Variants in ZNF701 observed in about 807,000 individuals in gnomAD.
ZNF701 encodes the protein zinc finger protein 701.
ZNF701 carries 6 observed loss-of-function variants against 7.1 expected under a neutral mutation model. The observed-to-expected ratio is 0.84, with a 90% CI of 0.46 to 1.66. The LOEUF is 1.66. Ranked by LOEUF, ZNF701 falls within the 40% of genes most tolerant of loss-of-function variation. The pLI is 0.01. For synonymous variants in ZNF701, 166 were observed against 188.2 expected, an observed-to-expected ratio of 0.88 and a Z score of 0.97; for missense variants, 541 against 559.2, an observed-to-expected ratio of 0.97 and a Z score of 0.33.
the ZNF701 span, among the ~76,000 whole-genome samples, chr19:52,599,931 C>T: frequency 4.6e-5 from 7 of 152,098 alleles, no homozygotes; most frequent in Non-Finnish European, 7.3e-5. Flanking sequence ...CAGATGGTCA[C>T]CTCCATTACC....
Position 52,584,054 on chromosome 19 carries a change from T to G in ZNF701, c.*597T>G. The G allele has an allele frequency of 2.2e-6, 1 of 454,272 alleles. No individual in the cohort carries two copies. The highest frequency in any genetic ancestry group is 4.5e-6 in the Non-Finnish European group (1 of 221,382). 28.1% of individuals were successfully genotyped at this position (454,272 alleles called of 1,614,324 possible). ...AGAAACCTCACAAGTGTGATGATTGTGAGCAAAGCCTTTACTTCACGTTCA... is the reference window on the plus strand; with the variant it reads ...AGAAACCTCACAAGTGTGATGATTGGGAGCAAAGCCTTTACTTCACGTTCA... On this transcript the variant is annotated 3_prime_UTR_variant, in exon 4 of 4. Coordinates refer to ENST00000391785, the MANE Select transcript of ZNF701 (RefSeq NM_018260.3).
At chr19:52,581,949 T>C (rs1289154097) in intron 3 of ZNF701, among the ~76,000 whole-genome samples, 1 of 152,194 alleles carries the variant, frequency 6.6e-6, no homozygotes, top group Non-Finnish European at 1.5e-5. Flanking sequence ...CTCCTGACTT[T>C]AGGCTTACAC....
At chr19:52,592,067 C>T, downstream of ZNF701, 3 of 781,154 alleles carry the variant, frequency 3.8e-6, no homozygotes, top group Non-Finnish European at 4.3e-6. Context: ...CTCACTCCTC[C>T]CTAATGTTTT....
downstream of ZNF701, among the ~76,000 whole-genome samples, chr19:52,591,273 G>A (rs1027018105): frequency 1.1e-4 from 17 of 152,164 alleles, no homozygotes; most frequent in African/African-American, 4.1e-4. Flanking sequence ...TGCCTCCAGA[G>A]TTCTATCGAT....
At chr19:52,591,005 A>G (rs1002974061), downstream of ZNF701, among the ~76,000 whole-genome samples, 3 of 151,788 alleles carry the variant, frequency 2.0e-5, no homozygotes, top group East Asian at 5.8e-4. Flanking sequence ...ATGCCCAGCT[A>G]ATTTTTGTAT....
intron 3 of ZNF701, among the ~76,000 whole-genome samples, chr19:52,578,253 CAAAAAAAAAAA>C (rs58385761): frequency 1.2e-4 from 5 of 40,924 alleles, no homozygotes; most frequent in Admixed American, 5.7e-4. Context: ...GACTCCGTCT[CAAAAAAAAAAA>C]AAAAAAAAAA....
At chr19:52,593,850 A>C in the ZNF701 span, among the ~76,000 whole-genome samples, 1 of 112,610 alleles carries the variant, frequency 8.9e-6, no homozygotes, top group Non-Finnish European at 1.9e-5. Flanking sequence ...AGCCAGGCAG[A>C]GGGGCTCCTC....
At chr19:52,592,409 T>C in the ZNF701 span, among the ~76,000 whole-genome samples, 1 of 152,230 alleles carries the variant, frequency 6.6e-6, no homozygotes, top group African/African-American at 2.4e-5. Context: ...CCTTATGGAG[T>C]GGTTTTACAT....
the ZNF701 span, among the ~76,000 whole-genome samples, chr19:52,593,421 C>T: frequency 2.4e-4 from 26 of 110,310 alleles, 6 homozygotes; most frequent in Admixed American, 9.2e-5. Context: ...GACCCCCCCA[C>T]CTCCCTCCCG....
intron 1 of ZNF701, among the ~76,000 whole-genome samples, chr19:52,571,901 G>A (rs563722247): frequency 2.0e-5 from 3 of 152,058 alleles, no homozygotes; most frequent in Admixed American, 6.6e-5. Flanking sequence ...TCGGCTCACT[G>A]CAACCTCCAC....
chr19:52,575,264 T>C (rs999248004), intron 2 of ZNF701, among the ~76,000 whole-genome samples: 2 of 152,284 alleles, frequency 1.3e-5, no homozygotes, highest in East Asian at 1.9e-4. Flanking sequence ...CCACTGTGCC[T>C]GGCCTACTTT....
the ZNF701 span, chr19:52,597,688 G>A: frequency 3.6e-6 from 1 of 280,532 alleles, no homozygotes; most frequent in Non-Finnish European, 6.9e-6. Context: ...GAAGGGGCAG[G>A]GCCTTGAACA....
intron 1 of ZNF701, chr19:52,572,161 G>A (rs917391112): frequency 1.9e-5 from 6 of 313,404 alleles, no homozygotes; most frequent in Non-Finnish European, 3.1e-5. Flanking sequence ...TTAAGCGATT[G>A]TCCTGCCTCG....
chr19:52,589,224 C>T (rs1001192552), downstream of ZNF701, among the ~76,000 whole-genome samples: 2 of 152,260 alleles, frequency 1.3e-5, no homozygotes, highest in Admixed American at 6.5e-5. Flanking sequence ...TGTGGTCTTA[C>T]CACCATGTTC....
downstream of ZNF701, among the ~76,000 whole-genome samples, chr19:52,590,113 T>C (rs1403334244): frequency 6.7e-6 from 1 of 149,972 alleles, no homozygotes; most frequent in Non-Finnish European, 1.5e-5. Flanking sequence ...TATTGTTTTT[T>C]TTTTTTTGAG....
intron 2 of ZNF701, among the ~76,000 whole-genome samples, chr19:52,575,235 C>T (rs2059926226): frequency 6.6e-6 from 1 of 152,134 alleles, no homozygotes; most frequent in Non-Finnish European, 1.5e-5. Context: ...CCCCAAAGTG[C>T]TGGGATTACA....
At chr19:52,596,781 A>T in the ZNF701 span, 1 of 532,752 alleles carries the variant, frequency 1.9e-6, no homozygotes, top group Non-Finnish European at 3.9e-6. Context: ...AAGAAACCTT[A>T]CACATGTAAT....
intron 3 of ZNF701, among the ~76,000 whole-genome samples, chr19:52,577,522 T>C (rs901774266): frequency 7.8e-6 from 1 of 128,906 alleles, no homozygotes; most frequent in African/African-American, 3.2e-5. Context: ...AATATTACTC[T>C]TTGTTGCATT....
chr19:52,573,921 C>T (rs1568500470), intron 1 of ZNF701, among the ~76,000 whole-genome samples, 156 bp from the exon 2 acceptor site: 2 of 152,140 alleles, frequency 1.3e-5, no homozygotes, highest in African/African-American at 4.8e-5. Flanking sequence ...AGGAGGGAAG[C>T]GAGAGTTTTC....
Sources: allele counts gnomAD v4.1 joint callset (sites outside exome capture counted in the v4.1 genomes callset), GRCh38; gene constraint gnomAD v4.1.1; transcripts MANE v1.5; gene names NCBI Gene and HGNC (gene_info 2026-07-23, HGNC 2026-07-21).